Variants in INPP4B observed in about 807,000 individuals in gnomAD.
The protein encoded by INPP4B is inositol polyphosphate 4-phosphatase type II.
A neutral mutation model predicts 122.5 loss-of-function variants in INPP4B; 55 were observed. The observed-to-expected ratio is 0.45, with a 90% confidence interval of 0.36 to 0.56. INPP4B has a LOEUF of 0.56. INPP4B is among the 20% of genes least tolerant of loss of function. The pLI is 0.00. For missense variants in INPP4B, 1,000 were observed against 1,097.7 expected (o/e 0.91, Z 1.26); for synonymous variants, 403 against 388.7 (o/e 1.04, Z -0.43).
intron 7 of INPP4B, among the ~76,000 whole-genome samples, chr4:142,356,822 G>T (rs1237204480): frequency 6.6e-6 from 1 of 151,826 alleles, no homozygotes; most frequent in East Asian, 2.0e-4. Context: ...GGAAGACCAA[G>T]GCATGGTTAC....
At chr4:142,634,679 A>T (rs1445834326) in intron 2 of INPP4B, among the ~76,000 whole-genome samples, 1 of 152,140 alleles carries the variant, frequency 6.6e-6, no homozygotes, top group Non-Finnish European at 1.5e-5. Context: ...CTGCTAAAAA[A>T]GATCTGTGAA....
intron 3 of INPP4B, among the ~76,000 whole-genome samples, chr4:142,443,246 T>A (rs1004401937): frequency 5.3e-5 from 8 of 151,996 alleles, no homozygotes; most frequent in Non-Finnish European, 7.4e-5. Context: ...GACTAAAGGG[T>A]CTTCTTTATG....
At chr4:142,798,649 A>G (rs1247828983) in intron 1 of INPP4B, among the ~76,000 whole-genome samples, 4 of 151,926 alleles carry the variant, frequency 2.6e-5, no homozygotes, top group Admixed American at 2.6e-4. Flanking sequence ...CTTTTCTGAA[A>G]TATGTTACTA....
At chr4:142,299,662 G>A (rs911011208) in intron 9 of INPP4B, among the ~76,000 whole-genome samples, 2 of 151,322 alleles carry the variant, frequency 1.3e-5, no homozygotes, top group African/African-American at 4.9e-5. Context: ...AATCATATAT[G>A]TGCTACTCTC....
At chr4:142,121,975 A>G (rs1359372986) in intron 21 of INPP4B, among the ~76,000 whole-genome samples, 153 bp downstream of exon 21, 1 of 152,080 alleles carries the variant, frequency 6.6e-6, no homozygotes. Flanking sequence ...GTCCCCTATC[A>G]TATCATCCAT....
In INPP4B at chr4:142,278,491, A is replaced by G. The variant is rs1476639891; in HGVS notation, c.504-7717T>C. Among the ~76,000 whole-genome samples, 232 of 151,872 alleles carry G rather than the reference A, an allele frequency of 1.5e-3. 5 individuals are homozygous for G. The highest frequency in any genetic ancestry group is 0.015 in the Admixed American group (224 of 15,200). On this transcript the variant is annotated intron_variant, in intron 9 of 25. Transcript: ENST00000262992. ...TGCCCCAGCTCTCAAGTAGTCTTGC[A>G]GTGGCAATGATGGCAGTATTTAGGG...
intron 2 of INPP4B, among the ~76,000 whole-genome samples, chr4:142,645,864 G>A (rs1751666759): frequency 6.6e-6 from 1 of 152,186 alleles, no homozygotes; most frequent in Admixed American, 6.5e-5. Flanking sequence ...GCAGCGACAA[G>A]GAGGAAGAAA....
At chr4:142,354,371 C>A (rs185130030) in intron 7 of INPP4B, among the ~76,000 whole-genome samples, 1 of 152,008 alleles carries the variant, frequency 6.6e-6, no homozygotes, top group African/African-American at 2.4e-5. Flanking sequence ...GAGTACGGCT[C>A]ATTTATATGT....
chr4:142,653,246 G>A (rs1050725097), intron 2 of INPP4B, among the ~76,000 whole-genome samples: 2 of 152,066 alleles, frequency 1.3e-5, no homozygotes, highest in Non-Finnish European at 2.9e-5. Context: ...AGACTTAAAT[G>A]TTACACCTAA....
intron 2 of INPP4B, among the ~76,000 whole-genome samples, chr4:142,674,392 C>T (rs1757423635): frequency 6.6e-6 from 1 of 152,042 alleles, no homozygotes; most frequent in Admixed American, 6.6e-5. Context: ...TGCATTTCCC[C>T]AGCTATTTAA....
chr4:142,602,840 C>T (rs529231848), intron 2 of INPP4B, among the ~76,000 whole-genome samples: 2 of 152,218 alleles, frequency 1.3e-5, no homozygotes, highest in African/African-American at 2.4e-5. Context: ...GATCATTTGA[C>T]CCAGCAATCC....
chr4:142,562,835 T>C (rs1412041985), intron 2 of INPP4B, among the ~76,000 whole-genome samples: 2 of 152,210 alleles, frequency 1.3e-5, no homozygotes, highest in Non-Finnish European at 2.9e-5. Context: ...TGCAAAATGT[T>C]AGATATTGCT....
intron 2 of INPP4B, among the ~76,000 whole-genome samples, chr4:142,712,440 C>A (rs766630209): frequency 8.5e-5 from 13 of 152,222 alleles, no homozygotes; most frequent in Non-Finnish European, 1.8e-4. Flanking sequence ...AACAGATAAT[C>A]CAAATGTCCA....
intron 11 of INPP4B, among the ~76,000 whole-genome samples, chr4:142,245,893 CAT>C (rs1234011500): frequency 2.4e-4 from 5 of 20,952 alleles, no homozygotes; most frequent in Admixed American, 1.0e-3. Context: ...TGTATGTATA[CAT>C]ATATGTGTAT....
intron 2 of INPP4B, chr4:142,468,108 C>G (rs918772302): frequency 6.6e-6 from 1 of 152,102 alleles, no homozygotes; most frequent in Non-Finnish European, 1.5e-5. Flanking sequence ...TACCCAGCTC[C>G]GAGTATTTCT....
intron 23 of INPP4B, among the ~76,000 whole-genome samples, chr4:142,104,059 T>G (rs1280298704): frequency 6.6e-6 from 1 of 152,102 alleles, no homozygotes; most frequent in Non-Finnish European, 1.5e-5. Context: ...ATAGGAATCA[T>G]TATGGTACAA....
intron 7 of INPP4B, among the ~76,000 whole-genome samples, chr4:142,326,904 G>A (rs953712644): frequency 1.1e-4 from 16 of 152,146 alleles, no homozygotes; most frequent in Admixed American, 2.6e-4. Context: ...AGGAACCTGG[G>A]ATAATTTGCC....
intron 12 of INPP4B, among the ~76,000 whole-genome samples, chr4:142,212,386 C>T (rs1845302213): frequency 6.6e-6 from 1 of 152,190 alleles, no homozygotes; most frequent in African/African-American, 2.4e-5. Flanking sequence ...AGCATTTCAG[C>T]TGGTCTGAGT....
At chr4:142,567,800 T>C (rs1731949079) in intron 2 of INPP4B, among the ~76,000 whole-genome samples, 1 of 152,114 alleles carries the variant, frequency 6.6e-6, no homozygotes, top group Admixed American at 6.5e-5. Context: ...AAGGAAGGTT[T>C]TTCATTATTG....
Sources: allele counts gnomAD v4.1 joint callset (sites outside exome capture counted in the v4.1 genomes callset), GRCh38; gene constraint gnomAD v4.1.1; transcripts MANE v1.5; gene names NCBI Gene and HGNC (gene_info 2026-07-23, HGNC 2026-07-21).